The following GALNT2 variants were observed in gnomAD, a reference collection of about 807,000 sequenced individuals.
The protein encoded by GALNT2 is UDP-GalNAc:polypeptide N-acetylgalactosaminyltransferase 2.
A neutral mutation model predicts 81.4 loss-of-function variants in GALNT2; 31 were observed. That is an observed-to-expected ratio of 0.38 (90% CI 0.29 to 0.51). The LOEUF is 0.51. Among genes scored for constraint, GALNT2 ranks in the 20% least tolerant of loss-of-function variants. GALNT2 has a pLI of 0.87. For synonymous variants in GALNT2, 303 were observed against 287.4 expected, an observed-to-expected ratio of 1.05 and a Z score of -0.55; for missense variants, 629 against 765.7, an observed-to-expected ratio of 0.82 and a Z score of 2.11.
intron 13 of GALNT2, 32 bp downstream of exon 13, chr1:230,263,037 G>A (rs767295140): frequency 1.3e-6 from 2 of 1,575,218 alleles, no homozygotes; most frequent in Admixed American, 1.7e-5. Context: ...GTTTCACTTT[G>A]TAAGGGCTTA....
chr1:230,085,988 G>T (rs1659886830), intron 1 of GALNT2, among the ~76,000 whole-genome samples: 1 of 152,180 alleles, frequency 6.6e-6, no homozygotes, highest in African/African-American at 2.4e-5. Context: ...CTCTATCAGT[G>T]CCCCTAAGGT....
chr1:230,279,258 C>T lies in GALNT2; in HGVS notation c.1561-45C>T, dbSNP rs1393848681. 3 of 1,583,812 alleles carry T rather than the reference C, an allele frequency of 1.9e-6. No individual in the cohort carries two copies. The highest frequency in any genetic ancestry group is 1.7e-5 in the Admixed American group (1 of 58,096). Reference sequence around the variant, plus strand: ...AATTCACACGAATCTGTTTGTACTCCTTTGCTTGTGCCCACACTCTAAGGC... The same window carrying T: ...AATTCACACGAATCTGTTTGTACTCTTTTGCTTGTGCCCACACTCTAAGGC... On this transcript the variant is annotated intron_variant, in intron 15 of 15. Coordinates refer to ENST00000366672, the MANE Select transcript of GALNT2 (RefSeq NM_004481.5). This position sits in a 1 kb window ranked among gnomAD's most constrained non-coding sequence, Gnocchi z 4.6.
chr1:230,255,154 G>A, intron 10 of GALNT2, 64 bp from the exon 11 acceptor site: 1 of 1,611,496 alleles, frequency 6.2e-7, no homozygotes, highest in Non-Finnish European at 8.5e-7. Context: ...TGCTTGGTGT[G>A]TCTGCTGTTG....
rs535517425 is a variant in GALNT2 at position 230,153,648 on chromosome 1, C to A, written c.127-24570C>A. 1.4e-4 allele frequency among the ~76,000 whole-genome samples: 22 copies of A among 152,332 alleles called. No individual in the cohort carries two copies. The South Asian group carries it at 4.4e-3, about 30-fold the overall frequency. On this transcript the variant is annotated intron_variant, in intron 1 of 15. Coordinates refer to ENST00000366672, the MANE Select transcript of GALNT2 (RefSeq NM_004481.5). ...CCCTAAGTACCCTTCCAGCCCCACG[C>A]CCCTGAGTTCTTTTCATGATTCCAA...
chr1:230,219,691 A>T (rs1572100528), intron 3 of GALNT2, among the ~76,000 whole-genome samples: 1 of 152,116 alleles, frequency 6.6e-6, no homozygotes, highest in Non-Finnish European at 1.5e-5. Context: ...GAGACTTCTG[A>T]CGTGGATGCA....
At chr1:230,120,393 TC>T (rs1660979684) in intron 1 of GALNT2, among the ~76,000 whole-genome samples, 1 of 152,136 alleles carries the variant, frequency 6.6e-6, no homozygotes, top group African/African-American at 2.4e-5. Flanking sequence ...GTCAGCCATC[TC>T]CAGGGCTCTT....
intron 1 of GALNT2, among the ~76,000 whole-genome samples, chr1:230,093,112 C>G (rs1364595458): frequency 6.6e-6 from 1 of 152,170 alleles, no homozygotes; most frequent in Admixed American, 6.5e-5. Context: ...TGACACTAAG[C>G]CAAGGGGAGC....
intron 15 of GALNT2, 40 bp downstream of exon 15, chr1:230,274,604 C>T: frequency 1.2e-6 from 2 of 1,611,698 alleles, no homozygotes; most frequent in Non-Finnish European, 1.7e-6. Context: ...GTGATTAACC[C>T]AGACCAGGGT....
At chr1:230,069,922 C>A (rs1558268627) in intron 1 of GALNT2, among the ~76,000 whole-genome samples, 1 of 152,186 alleles carries the variant, frequency 6.6e-6, no homozygotes, top group African/African-American at 2.4e-5. Context: ...TACTAGGCTG[C>A]AGTATTGGGC....
intron 1 of GALNT2, among the ~76,000 whole-genome samples, chr1:230,141,386 G>C (rs56085304): frequency 0.056 from 8,535 of 152,136 alleles, 238 homozygotes; most frequent in South Asian, 0.11. Flanking sequence ...GTATCCTCAC[G>C]CATCCACAGA....
At chr1:230,120,425 C>T (rs748023776) in intron 1 of GALNT2, among the ~76,000 whole-genome samples, 4 of 152,290 alleles carry the variant, frequency 2.6e-5, no homozygotes, top group African/African-American at 4.8e-5. Context: ...GGGCAGTCCC[C>T]GCCAAGGGTG....
At chr1:230,095,351 C>T (rs373728042) in intron 1 of GALNT2, among the ~76,000 whole-genome samples, 1 of 152,114 alleles carries the variant, frequency 6.6e-6, no homozygotes, top group East Asian at 1.9e-4. Context: ...CTCCATGAGG[C>T]GTTTTTATTA....
At chr1:230,203,542 C>T (rs1051636083) in intron 3 of GALNT2, among the ~76,000 whole-genome samples, 4 of 152,104 alleles carry the variant, frequency 2.6e-5, no homozygotes, top group South Asian at 4.1e-4. Flanking sequence ...CTGGCCAGAG[C>T]GTGGAAGTCA....
intron 6 of GALNT2, among the ~76,000 whole-genome samples, chr1:230,241,696 C>G (rs1310220363): frequency 1.3e-5 from 2 of 152,206 alleles, no homozygotes; most frequent in Non-Finnish European, 2.9e-5. Flanking sequence ...ATCTGCCCAC[C>G]TCAGCCTCCC....
intron 1 of GALNT2, among the ~76,000 whole-genome samples, chr1:230,085,337 T>G (rs1230472614): frequency 6.6e-6 from 1 of 152,198 alleles, no homozygotes; most frequent in Non-Finnish European, 1.5e-5. Flanking sequence ...GCCCCTATCC[T>G]GTCCCGTGGA....
At chr1:230,278,956 G>A (rs534657666) in intron 15 of GALNT2, among the ~76,000 whole-genome samples, 4 of 152,282 alleles carry the variant, frequency 2.6e-5, no homozygotes, top group Non-Finnish European at 4.4e-5. Context: ...GCTTTCATAC[G>A]AAGGCATGCA....
At chr1:230,107,390 G>A (rs1052567844) in intron 1 of GALNT2, among the ~76,000 whole-genome samples, 3 of 152,116 alleles carry the variant, frequency 2.0e-5, no homozygotes, top group African/African-American at 7.2e-5. Context: ...CTGGGCAACA[G>A]AGCAAGATCC....
intron 6 of GALNT2, among the ~76,000 whole-genome samples, chr1:230,238,854 A>G (rs1056338388): frequency 8.5e-5 from 13 of 152,218 alleles, no homozygotes; most frequent in African/African-American, 3.1e-4. Context: ...TACTAGCCTT[A>G]TAAAACAAGA....
rs144216012 is a variant in GALNT2, at chr1:230,274,509, G to T, written c.1505G>T (p.Arg502Leu). ...HMDLCLTVVD[R>L]APGSLIKLQG... ...GATTTGTGCCTTACTGTGGTGGACC[G>T]GGCACCGGGCTCTCTTATAAAGCTG... Residue 502 changes from arginine to leucine, a missense_variant, in exon 15 of 16, where the codon CGG (arginine) becomes CTG (leucine). Arg to Leu is a moderately radical substitution (Grantham distance 102). This residue lies in a region of GALNT2 where 207 missense variants were observed against 225.5 expected (regional missense o/e 0.92). Transcript: ENST00000366672. The T allele has an allele frequency of 1.2e-6, 2 of 1,613,970 alleles. No individual in the cohort carries two copies. The highest frequency in any genetic ancestry group is 1.7e-6 in the Non-Finnish European group (2 of 1,179,902).
Sources: gnomAD v4.1 joint callset for allele counts (sites outside exome capture counted in the v4.1 genomes callset) on GRCh38, gnomAD v4.1.1 for gene constraint, gnomAD v4.1.1 regional missense constraint, Gnocchi (gnomAD v3.1) non-coding constraint, MANE v1.5 for transcripts, NCBI Gene and HGNC (gene_info 2026-07-23, HGNC 2026-07-21) for gene names.